The following TRIM44 variants were observed in gnomAD, a reference collection of about 807,000 sequenced individuals.
TRIM44 encodes the protein tripartite motif-containing protein 44.
In TRIM44, 13 loss-of-function variants were observed where a neutral mutation model predicts 37.4. That is an observed-to-expected ratio of 0.35 (90% confidence interval 0.23 to 0.55). The LOEUF (loss-of-function observed/expected upper bound fraction) is 0.55, where lower values mean the gene tolerates loss of function less well. TRIM44 is among the 20% of genes least tolerant of loss of function. The pLI is 0.89. For synonymous variants in TRIM44, 175 were observed against 157.2 expected (o/e 1.11, Z -0.85); for missense variants, 426 against 437.2 (o/e 0.97, Z 0.23).
intron 2 of TRIM44, among the ~76,000 whole-genome samples, chr11:35,694,519 C>A (rs7117289): frequency 0.032 from 4,794 of 152,134 alleles, 252 homozygotes; most frequent in African/African-American, 0.11. Flanking sequence ...TAAAAGTATA[C>A]CCTATAAGTG....
At chr11:35,678,278 T>C (rs893866324) in intron 1 of TRIM44, among the ~76,000 whole-genome samples, 1 of 152,160 alleles carries the variant, frequency 6.6e-6, no homozygotes, top group Non-Finnish European at 1.5e-5. Flanking sequence ...GTATTGCTGC[T>C]TGTACCAGGT....
At chr11:35,798,595 A>G (rs1853325351) in intron 4 of TRIM44, among the ~76,000 whole-genome samples, 3 of 152,192 alleles carry the variant, frequency 2.0e-5, no homozygotes, top group Non-Finnish European at 4.4e-5. Flanking sequence ...ACTCCTGGGA[A>G]TTTTTCTTTG....
At position 35,789,962 on chromosome 11, in the gene TRIM44, A is replaced by T. The variant is rs569736784; in HGVS notation, c.1008-16396A>T. On this transcript the variant is annotated intron_variant, in intron 4 of 4. Coordinates refer to ENST00000299413, the MANE Select transcript of TRIM44 (RefSeq NM_017583.6). Reference sequence around the variant, plus strand: ...CATAAACAGGTTCTTCTTCATATAGATGAAACAGGTTTGAAGTTGTAGAAT... The same window carrying T: ...CATAAACAGGTTCTTCTTCATATAGTTGAAACAGGTTTGAAGTTGTAGAAT... Among the ~76,000 whole-genome samples the T allele has an allele frequency of 2.0e-5, 3 of 152,324 alleles. No individual in the cohort carries two copies. In the East Asian group the frequency reaches 5.8e-4, roughly 29 times the overall value.
At chr11:35,765,287 G>A (rs562468718) in intron 4 of TRIM44, among the ~76,000 whole-genome samples, 2 of 152,260 alleles carry the variant, frequency 1.3e-5, no homozygotes, top group South Asian at 4.1e-4. Context: ...TGCTTTCAAG[G>A]CATCATAGCC....
At position 35,815,393 on chromosome 11, in the gene TRIM44, A is replaced by G. The variant is rs1217331531; in HGVS notation, c.*9008A>G. The G allele has an allele frequency of 6.6e-6, 1 of 152,178 alleles. No individual in the cohort carries two copies. Among genetic ancestry groups the G allele is most frequent in the Non-Finnish European group, 1.5e-5 (1 of 68,042 alleles). The allele number at this position is 152,178 out of a possible 1,614,324, so 9.4% of individuals were successfully genotyped here. ...TAGGAAGAACTATGATAGAGGAACA[A>G]GATTGCTCTTTGACTTGGTGATAGT... On this transcript the variant is annotated 3_prime_UTR_variant, in exon 5 of 5. Coordinates refer to ENST00000299413, the MANE Select transcript of TRIM44 (RefSeq NM_017583.6).
At chr11:35,683,852 G>A (rs1457370830) in intron 1 of TRIM44, among the ~76,000 whole-genome samples, 1 of 151,502 alleles carries the variant, frequency 6.6e-6, no homozygotes, top group East Asian at 1.9e-4. Flanking sequence ...GAGATACAGG[G>A]ATACAAAAAA....
intron 3 of TRIM44, among the ~76,000 whole-genome samples, chr11:35,727,978 G>A (rs1404194229): frequency 2.0e-5 from 3 of 152,200 alleles, no homozygotes; most frequent in African/African-American, 4.8e-5. Context: ...TTCCTATCAA[G>A]TTCGACCCCT....
intron 4 of TRIM44, among the ~76,000 whole-genome samples, chr11:35,740,523 T>C (rs1221079078): frequency 1.3e-5 from 2 of 152,176 alleles, no homozygotes. Flanking sequence ...GAATTTTTCA[T>C]CTTCAAAGCT....
intron 4 of TRIM44, among the ~76,000 whole-genome samples, chr11:35,800,412 T>G (rs1276645409): frequency 6.6e-6 from 1 of 152,234 alleles, no homozygotes; most frequent in Admixed American, 6.5e-5. Flanking sequence ...TCCTGCTGAT[T>G]GTTGTGCTTA....
chr11:35,776,348 T>A (rs1055336853), intron 4 of TRIM44, among the ~76,000 whole-genome samples: 1 of 152,140 alleles, frequency 6.6e-6, no homozygotes, highest in African/African-American at 2.4e-5. Flanking sequence ...ATTCTTCTGT[T>A]TTCTTCTGTA....
At chr11:35,775,004 G>T (rs975589947) in intron 4 of TRIM44, among the ~76,000 whole-genome samples, 2 of 152,204 alleles carry the variant, frequency 1.3e-5, no homozygotes, top group South Asian at 4.1e-4. Context: ...CTTCTGTGAA[G>T]AAAGTCATTG....
chr11:35,763,966 A>G (rs935740677), intron 4 of TRIM44, among the ~76,000 whole-genome samples: 38 of 152,202 alleles, frequency 2.5e-4, no homozygotes, highest in Non-Finnish European at 2.9e-5. Context: ...ATTTTGCAGT[A>G]TGATAACATC....
At chr11:35,678,333 G>T (rs1851483464) in intron 1 of TRIM44, among the ~76,000 whole-genome samples, 1 of 152,126 alleles carries the variant, frequency 6.6e-6, no homozygotes, top group Non-Finnish European at 1.5e-5. Context: ...ATGCCAACTG[G>T]ATATGGCATA....
Position 35,796,702 on chromosome 11 carries a change from G to C in TRIM44, c.1008-9656G>C, listed in dbSNP as rs186709329. 3.1e-4 allele frequency among the ~76,000 whole-genome samples: 47 copies of C among 152,290 alleles called. No homozygotes were observed. In the East Asian group the frequency reaches 3.3e-3, roughly 11 times the overall value. On this transcript the variant is annotated intron_variant, in intron 4 of 4. Coordinates refer to ENST00000299413, the MANE Select transcript of TRIM44 (RefSeq NM_017583.6). ...AGTGATAGAAAATCCAGCAGCACTG[G>C]GGGGAGGAAAGGGAAGCTGGGGAAG...
intron 4 of TRIM44, among the ~76,000 whole-genome samples, chr11:35,757,592 G>A (rs543944134): frequency 6.6e-6 from 1 of 152,230 alleles, no homozygotes; most frequent in East Asian, 1.9e-4. Context: ...TGTGATGTTA[G>A]GGTGTCAATT....
rs1053561578 is a variant in TRIM44, at chr11:35,743,329, T to G, written c.1007+7884T>G. On this transcript the variant is annotated intron_variant, in intron 4 of 4. Transcript: ENST00000299413. Reference sequence around the variant, plus strand: ...ACTGTTTTCTGTTACGCTTTACCTCTTGACTACAGCATTGCCCCCTTATAG... The same window carrying G: ...ACTGTTTTCTGTTACGCTTTACCTCGTGACTACAGCATTGCCCCCTTATAG... Among the ~76,000 whole-genome samples the G allele has an allele frequency of 1.2e-4, 19 of 152,326 alleles. 1 individual carries two copies. The South Asian group carries it at 1.7e-3, about 13-fold the overall frequency.
rs1446194307 is a variant in TRIM44 at position 35,807,486 on chromosome 11, C to T, written c.*1101C>T. 1 of 152,142 alleles carries T rather than the reference C, an allele frequency of 6.6e-6. No homozygotes were observed. Among genetic ancestry groups the T allele is most frequent in the African/African-American group, 2.4e-5 (1 of 41,434 alleles). The allele number at this position is 152,142 out of a possible 1,614,324, so 9.4% of individuals were successfully genotyped here. A position where few individuals can be genotyped will look rare whatever the true frequency, so the allele number is the denominator to read the frequency against. ...CTCACTCTCCTCTTAGTAACAGAGA[C>T]ACTCCTGAGGTTGGACTTCCTTGCT... is the stretch of plus-strand genomic sequence containing the variant. On this transcript the variant is annotated 3_prime_UTR_variant, in exon 5 of 5. Coordinates refer to ENST00000299413, the MANE Select transcript of TRIM44 (RefSeq NM_017583.6).
chr11:35,794,862 G>T (rs1417588781), intron 4 of TRIM44, among the ~76,000 whole-genome samples: 1 of 152,240 alleles, frequency 6.6e-6, no homozygotes, highest in African/African-American at 2.4e-5. Context: ...TGGTGATACG[G>T]CAGGGAACAA....
chr11:35,746,595 T>C (rs1307604001), intron 4 of TRIM44, among the ~76,000 whole-genome samples: 3 of 152,068 alleles, frequency 2.0e-5, no homozygotes, highest in Admixed American at 6.6e-5. Flanking sequence ...TCCTAGATGA[T>C]GTGAAGTTCA....
Sources: gnomAD v4.1 joint callset for allele counts (sites outside exome capture counted in the v4.1 genomes callset) on GRCh38, gnomAD v4.1.1 for gene constraint, MANE v1.5 for transcripts, NCBI Gene and HGNC (gene_info 2026-07-23, HGNC 2026-07-21) for gene names.